SLA2: variants seen among roughly 807,000 people sequenced by gnomAD.
The protein encoded by SLA2 is src-like-adapter 2.
A neutral mutation model predicts 27.3 loss-of-function variants in SLA2; 22 were observed. The observed-to-expected ratio is 0.81, with a 90% CI of 0.58 to 1.15. The LOEUF (loss-of-function observed/expected upper bound fraction) is 1.15, where lower values mean the gene tolerates loss of function less well. SLA2 is among the 50% of genes most tolerant of loss of function. SLA2 has a pLI of 0.00. For missense variants in SLA2, 304 were observed against 322.2 expected (o/e 0.94, Z 0.43); for synonymous variants, 131 against 137.8 (o/e 0.95, Z 0.34).
In SLA2 at chr20:36,615,356, A is replaced by G. The variant is rs2039196927; in HGVS notation, c.401T>C (p.Val134Ala). ...CCAGGATGCAGGGCGGCTGAGGCGGACTGACAGAGAGTAAGAGCCTGAGGA... is the reference window on the plus strand; with the variant it reads ...CCAGGATGCAGGGCGGCTGAGGCGGGCTGACAGAGAGTAAGAGCCTGAGGA... ...QTRRGSYSLSVRLSRPASWDR... is the reference protein window; with the variant it reads ...QTRRGSYSLSARLSRPASWDR... Residue 134 changes from valine (V) to alanine (A), a missense_variant, in exon 6 of 8, where the codon GTC (valine) becomes GCC (alanine). Physicochemically the swap from Val to Ala is moderately conservative, Grantham distance 64 (BLOSUM62 0). Transcript: ENST00000262866. The G allele has an allele frequency of 6.2e-7, 1 of 1,613,862 alleles. No individual in the cohort carries two copies. Among genetic ancestry groups the G allele is most frequent in the African/African-American group, 1.3e-5 (1 of 74,924 alleles).
chr20:36,638,438 C>T lies in SLA2; in HGVS notation c.91+2807G>A, dbSNP rs561472114. 5.9e-5 allele frequency among the ~76,000 whole-genome samples: 9 copies of T among 152,118 alleles called. No individual in the cohort carries two copies. The East Asian group carries it at 1.7e-3, about 30-fold the overall frequency. On this transcript the variant is annotated intron_variant, in intron 2 of 7. Coordinates refer to ENST00000262866, the MANE Select transcript of SLA2 (RefSeq NM_032214.4). ...CCACCTCCCAGGTTCAAGCAGTTCT[C>T]CTGTCTCAGCCTCCAGAGTAGCTGG...
chr20:36,612,516 A>ATGTT lies in SLA2; in HGVS notation c.*1346_*1349dup, dbSNP rs2039150336. 9.4e-6 allele frequency: 4 copies of ATGTT among 423,652 alleles called. No homozygotes were observed. In the South Asian group the frequency reaches 1.0e-4, roughly 11 times the overall value. 26.2% of individuals were successfully genotyped at this position (423,652 alleles called of 1,614,324 possible). On this transcript the variant is annotated 3_prime_UTR_variant, in exon 8 of 8. Coordinates refer to ENST00000262866, the MANE Select transcript of SLA2 (RefSeq NM_032214.4). ...ATCTAATAAGAGTTTCCATTGTAGA[A>ATGTT]TGTTTTCACATACTTGAATAAATCA... is the stretch of plus-strand genomic sequence containing the variant.
At chr20:36,637,624 C>CTTTTT (rs36100264) in intron 2 of SLA2, among the ~76,000 whole-genome samples, 37 of 80,960 alleles carry the variant, frequency 4.6e-4, no homozygotes, top group Non-Finnish European at 6.7e-4. Flanking sequence ...GTGAAGTTTG[C>CTTTTT]TTTTTTTTTT....
intron 5 of SLA2, among the ~76,000 whole-genome samples, chr20:36,630,650 T>A (rs1384307208): frequency 6.6e-6 from 1 of 152,122 alleles, no homozygotes; most frequent in Non-Finnish European, 1.5e-5. Context: ...ATGAAGACAA[T>A]GGAAGTACAA....
chr20:36,639,359 C>T (rs2039483589), intron 2 of SLA2, among the ~76,000 whole-genome samples: 1 of 151,972 alleles, frequency 6.6e-6, no homozygotes, highest in South Asian at 2.1e-4. Flanking sequence ...CTTACAGCCT[C>T]CACAACTGTG....
chr20:36,615,369 A>G lies in SLA2; in HGVS notation c.388T>C (p.Tyr130His), dbSNP rs1483129101. The G allele has an allele frequency of 1.2e-6, 2 of 1,613,714 alleles. No homozygotes were observed. Among genetic ancestry groups the G allele is most frequent in the Non-Finnish European group, 8.5e-7 (1 of 1,179,966 alleles). ...CGGCTGAGGCGGACTGACAGAGAGT[A>G]AGAGCCTGAGGAGAAAGGGGTCCAG... Reference protein sequence around the residue: ...IRESQTRRGSYSLSVRLSRPA... With the variant: ...IRESQTRRGSHSLSVRLSRPA... The change falls in exon 6 of 8, where the codon TAC becomes CAC. Residue 130 changes from tyrosine to histidine, a missense_variant. Physicochemically the swap from Tyr to His is moderately conservative, Grantham distance 83. Transcript: ENST00000262866.
intron 5 of SLA2, among the ~76,000 whole-genome samples, chr20:36,623,479 A>G (rs2039306363): frequency 6.6e-6 from 1 of 152,082 alleles, no homozygotes; most frequent in Non-Finnish European, 1.5e-5. Context: ...AGGTAATACA[A>G]TCATATGTAG....
rs2039144871 is a variant in SLA2, at chr20:36,612,328, G to A, written c.*1538C>T. ...AAGTAACAGCTATTATTTGCCAAGTGGAGCTGTCATTTAATTTGATGCACC... is the reference window on the plus strand; with the variant it reads ...AAGTAACAGCTATTATTTGCCAAGTAGAGCTGTCATTTAATTTGATGCACC... On this transcript the variant is annotated 3_prime_UTR_variant, in exon 8 of 8. Coordinates refer to ENST00000262866, the MANE Select transcript of SLA2 (RefSeq NM_032214.4). The A allele has an allele frequency of 2.8e-6, 3 of 1,058,202 alleles. No homozygotes were observed. The highest frequency in any genetic ancestry group is 1.4e-5 in the South Asian group (1 of 73,474). 65.6% of individuals were successfully genotyped at this position (1,058,202 alleles called of 1,614,324 possible).
At chr20:36,625,571 C>T (rs1336646487) in intron 5 of SLA2, among the ~76,000 whole-genome samples, 2 of 151,932 alleles carry the variant, frequency 1.3e-5, no homozygotes, top group Non-Finnish European at 2.9e-5. Context: ...GTGGCTCATG[C>T]CTGTAATCCC....
chr20:36,614,796 A>G (rs928906544), intron 6 of SLA2: 4 of 985,320 alleles, frequency 4.1e-6, no homozygotes, highest in Non-Finnish European at 4.8e-6. Flanking sequence ...AGTTTTCACA[A>G]GAGTGCTCTT....
intron 5 of SLA2, among the ~76,000 whole-genome samples, chr20:36,625,399 A>G (rs1011060305): frequency 1.3e-5 from 2 of 151,646 alleles, no homozygotes; most frequent in African/African-American, 4.8e-5. Context: ...ATTTTTTTGT[A>G]TTTTTAATAG....
In SLA2 at chr20:36,634,573, T is replaced by C; in HGVS notation, c.108A>G (p.Thr36=). Residue 36 remains threonine, a synonymous_variant, in exon 3 of 8, where the codon ACA becomes ACG. Coordinates refer to ENST00000262866, the MANE Select transcript of SLA2 (RefSeq NM_032214.4). Reference sequence around the variant, plus strand: ...CCGGGAAACTGCCCAGGGCCACGGCTGTGGCCTTGCTTCTCTCTAGATGGA... The same window carrying C: ...CCGGGAAACTGCCCAGGGCCACGGCCGTGGCCTTGCTTCTCTCTAGATGGA... ...VTMEAERSKA[T]AVALGSFPAG... 6.2e-7 allele frequency: 1 copy of C among 1,606,774 alleles called. No individual in the cohort carries two copies.
intron 1 of SLA2, among the ~76,000 whole-genome samples, chr20:36,641,989 C>A (rs371298175): frequency 2.0e-5 from 3 of 149,430 alleles, no homozygotes; most frequent in Non-Finnish European, 4.4e-5. Context: ...TATGGTGAAA[C>A]CTCATCTCCA....
intron 2 of SLA2, 127 bp from the exon 3 acceptor site, chr20:36,634,716 C>T (rs1237779708): frequency 3.7e-6 from 2 of 538,376 alleles, no homozygotes; most frequent in Non-Finnish European, 6.6e-6. Flanking sequence ...GGAGTCCCAT[C>T]CACTTCCTAA....
intron 5 of SLA2, among the ~76,000 whole-genome samples, chr20:36,631,818 A>C (rs75466212): frequency 0.031 from 4,712 of 152,236 alleles, 240 homozygotes; most frequent in African/African-American, 0.11. Flanking sequence ...CCCACATCAT[A>C]GGTGCTGGAG....
chr20:36,614,839 C>T (rs2039188971), intron 6 of SLA2: 1 of 985,328 alleles, frequency 1.0e-6, no homozygotes. Context: ...TGCCCAGTGA[C>T]TGCATCTTCC....
At chr20:36,645,540 G>A (rs1271143547) in intron 1 of SLA2, among the ~76,000 whole-genome samples, 2 of 152,126 alleles carry the variant, frequency 1.3e-5, no homozygotes, top group Non-Finnish European at 2.9e-5. Flanking sequence ...CGCAGAGAGG[G>A]GCCCAAAGTC....
intron 1 of SLA2, among the ~76,000 whole-genome samples, chr20:36,642,325 G>A (rs2039515285): frequency 7.4e-6 from 1 of 134,632 alleles, no homozygotes; most frequent in African/African-American, 2.8e-5. Flanking sequence ...CAACATACAG[G>A]TCCGAGAGAT....
intron 5 of SLA2, among the ~76,000 whole-genome samples, chr20:36,629,814 T>C (rs2039375753): frequency 6.6e-6 from 1 of 152,008 alleles, no homozygotes; most frequent in Non-Finnish European, 1.5e-5. Flanking sequence ...AGCACTCGCC[T>C]GTAATCCCAG....
Sources: allele counts gnomAD v4.1 joint callset (sites outside exome capture counted in the v4.1 genomes callset), GRCh38; gene constraint gnomAD v4.1.1; transcripts MANE v1.5; gene names NCBI Gene and HGNC (gene_info 2026-07-23, HGNC 2026-07-21).